ARSK: variants seen among roughly 807,000 people sequenced by gnomAD.
The protein encoded by ARSK is arylsulfatase K.
A neutral mutation model predicts 53.2 loss-of-function variants in ARSK; 37 were observed. The ratio of observed to expected loss-of-function variants is 0.70; its 90% CI spans 0.54 to 0.92. The LOEUF (loss-of-function observed/expected upper bound fraction) is 0.92. Among genes scored for constraint, ARSK ranks in the 40% least tolerant of loss-of-function variants. The probability of loss-of-function intolerance (pLI) is 0.00; values close to 1 mark genes in which losing one functional copy is unlikely to be tolerated. For synonymous variants in ARSK, 208 were observed against 223.2 expected (o/e 0.93, Z 0.61); for missense variants, 613 against 643.0 (o/e 0.95, Z 0.51).
chr5:95,589,276 CTTTTAT>C (rs910218554), intron 5 of ARSK, among the ~76,000 whole-genome samples: 1 of 152,122 alleles, frequency 6.6e-6, no homozygotes, highest in Non-Finnish European at 1.5e-5. Context: ...CGGGGACATT[CTTTTAT>C]TTTTATTTTA....
chr5:95,570,082 A>G lies in ARSK; in HGVS notation c.416+2033A>G, dbSNP rs539347466. Among the ~76,000 whole-genome samples the G allele has an allele frequency of 3.9e-5, 6 of 152,238 alleles. No individual in the cohort carries two copies. The South Asian group carries it at 1.2e-3, about 32-fold the overall frequency. ...GGACTCTTCTTACTCTATCTGACCC[A>G]TTTTCTATAGGCAACCAGAATGATC... On this transcript the variant is annotated intron_variant, in intron 3 of 7. Transcript: ENST00000380009.
chr5:95,598,502 A>C (rs186241264), intron 6 of ARSK, among the ~76,000 whole-genome samples: 16 of 152,312 alleles, frequency 1.1e-4, no homozygotes, highest in Admixed American at 5.2e-4. Context: ...TATTCTATCA[A>C]TAATAGACTG....
rs1749221000 is a variant in ARSK, at chr5:95,591,726, G to C, written c.1096+101G>C. On this transcript the variant is annotated intron_variant, in intron 6 of 7. Transcript: ENST00000380009. The stretch of plus-strand genomic sequence containing the variant: ...CTTTCAGTTAGTAGTCAGAGGTCCT[G>C]CTGACTTGTTTATAACCCTGAGCAA... The C allele has an allele frequency of 2.7e-6, 3 of 1,101,620 alleles. No individual in the cohort carries two copies. The African/African-American group carries it at 4.7e-5, about 17-fold the overall frequency. 68.2% of individuals were successfully genotyped at this position (1,101,620 alleles called of 1,614,324 possible). A position where few individuals can be genotyped will look rare whatever the true frequency, so the allele number is the denominator to read the frequency against.
chr5:95,585,144 C>G (rs1369827014), intron 4 of ARSK, among the ~76,000 whole-genome samples: 2 of 152,144 alleles, frequency 1.3e-5, no homozygotes, highest in Non-Finnish European at 2.9e-5. Context: ...CCACCTTACT[C>G]CTGCAAGAAT....
intron 1 of ARSK, among the ~76,000 whole-genome samples, chr5:95,563,620 A>G (rs1164675651): frequency 6.6e-6 from 1 of 152,250 alleles, no homozygotes; most frequent in Non-Finnish European, 1.5e-5. Context: ...ATGAGTCAAG[A>G]AATCACTAAC....
intron 6 of ARSK, among the ~76,000 whole-genome samples, chr5:95,591,924 G>A (rs1749225290): frequency 6.6e-6 from 1 of 152,180 alleles, no homozygotes; most frequent in South Asian, 2.1e-4. Context: ...GATATGATTT[G>A]TACATCATTT....
intron 7 of ARSK, among the ~76,000 whole-genome samples, chr5:95,602,937 GA>G (rs1175079808): frequency 6.6e-6 from 1 of 152,048 alleles, no homozygotes; most frequent in African/African-American, 2.4e-5. Flanking sequence ...TCAAAAACAG[GA>G]AGAACTTGTT....
At chr5:95,569,084 T>C (rs1175701509) in intron 3 of ARSK, among the ~76,000 whole-genome samples, 19 of 152,158 alleles carry the variant, frequency 1.2e-4, no homozygotes, top group Non-Finnish European at 2.9e-5. Context: ...ATGTAATAAA[T>C]TATAGCCATG....
chr5:95,565,493 T>G (rs918977407), intron 1 of ARSK, among the ~76,000 whole-genome samples: 1 of 152,188 alleles, frequency 6.6e-6, no homozygotes, highest in East Asian at 1.9e-4. Context: ...GTCTCATACA[T>G]CCCAGAGAAG....
Position 95,591,476 on chromosome 5 carries a change from A to T in ARSK, c.947A>T (p.Glu316Val), listed in dbSNP as rs372156532. ...TIVIYSSDHG[E>V]LAMEHRQFYK... is the part of the protein sequence containing the mutation. ...GTCATATACTCCTCAGACCATGGAG[A>T]GCTGGCCATGGAACATCGACAGTTT... Residue 316 changes from glutamate to valine, a missense_variant, in exon 6 of 8, where the codon GAG (glutamate) becomes GTG (valine). Glu to Val is a moderately radical substitution (Grantham distance 121). Transcript: ENST00000380009. 1.9e-5 allele frequency: 31 copies of T among 1,614,134 alleles called. No individual in the cohort carries two copies. Among genetic ancestry groups the T allele is most frequent in the Non-Finnish European group, 2.6e-5 (31 of 1,179,994 alleles).
chr5:95,564,688 C>A (rs1336817267), intron 1 of ARSK, among the ~76,000 whole-genome samples: 1 of 152,134 alleles, frequency 6.6e-6, no homozygotes, highest in East Asian at 1.9e-4. Flanking sequence ...CAGGTGCATT[C>A]TCAACACAGC....
intron 1 of ARSK, among the ~76,000 whole-genome samples, chr5:95,561,103 C>T (rs1748625960): frequency 6.6e-6 from 1 of 152,140 alleles, no homozygotes; most frequent in African/African-American, 2.4e-5. Flanking sequence ...ACCACCATGC[C>T]CGGCCAAAAG....
At chr5:95,562,193 A>G (rs535433174) in intron 1 of ARSK, among the ~76,000 whole-genome samples, 21 of 152,064 alleles carry the variant, frequency 1.4e-4, no homozygotes, top group Non-Finnish European at 2.5e-4. Flanking sequence ...CCTTGGTGAC[A>G]GGGTGAGTCT....
intron 3 of ARSK, among the ~76,000 whole-genome samples, chr5:95,577,030 G>A (rs1748936776): frequency 6.6e-6 from 1 of 152,222 alleles, no homozygotes; most frequent in Non-Finnish European, 1.5e-5. Context: ...AGGCTAGAAA[G>A]GGAGTTAAAT....
chr5:95,556,002 A>G (rs1359529841), intron 1 of ARSK, among the ~76,000 whole-genome samples: 1 of 152,222 alleles, frequency 6.6e-6, no homozygotes, highest in African/African-American at 2.4e-5. Flanking sequence ...AAACTTTCCC[A>G]AGCCAAAGGT....
At chr5:95,582,847 T>G in intron 3 of ARSK, 69 bp from the exon 4 acceptor site, 1 of 1,409,148 alleles carries the variant, frequency 7.1e-7, no homozygotes, top group Non-Finnish European at 9.5e-7. Context: ...GTTTTCTTAG[T>G]GTATGCTTAG....
intron 6 of ARSK, among the ~76,000 whole-genome samples, chr5:95,592,431 G>A (rs1749234699): frequency 6.6e-6 from 1 of 152,142 alleles, no homozygotes. Context: ...CTGCCACAAA[G>A]TTCTTCCCTT....
chr5:95,566,164 T>A, intron 2 of ARSK, 37 bp downstream of exon 2: 1 of 1,602,090 alleles, frequency 6.2e-7, no homozygotes. Flanking sequence ...AGAAAGTGGC[T>A]ACACACTGAA....
At chr5:95,576,320 T>A (rs1475692612) in intron 3 of ARSK, among the ~76,000 whole-genome samples, 3 of 150,324 alleles carry the variant, frequency 2.0e-5, no homozygotes, top group African/African-American at 7.4e-5. Context: ...TACCTTAGCC[T>A]CCTGAGTAGC....
Sources: allele counts gnomAD v4.1 joint callset (sites outside exome capture counted in the v4.1 genomes callset), GRCh38; gene constraint gnomAD v4.1.1; transcripts MANE v1.5; gene names NCBI Gene and HGNC (gene_info 2026-07-23, HGNC 2026-07-21).